The following PRKCE variants were observed in gnomAD, a reference collection of about 807,000 sequenced individuals.
PRKCE encodes the protein protein kinase C epsilon type.
PRKCE carries 16 observed loss-of-function variants against 85.4 expected under a neutral mutation model. The observed-to-expected ratio is 0.19, with a 90% confidence interval of 0.13 to 0.28. PRKCE has a LOEUF of 0.28. Ranked by LOEUF, PRKCE falls within the 10% of genes least tolerant of loss-of-function variation. The probability of loss-of-function intolerance (pLI) is 1.00; values close to 1 mark genes in which losing one functional copy is unlikely to be tolerated. For missense variants in PRKCE, 573 were observed against 975.2 expected, an observed-to-expected ratio of 0.59 and a Z score of 5.49; for synonymous variants, 388 against 371.5, an observed-to-expected ratio of 1.04 and a Z score of -0.51.
intron 1 of PRKCE, among the ~76,000 whole-genome samples, chr2:45,836,470 G>A (rs548120673): frequency 6.0e-4 from 92 of 152,338 alleles, no homozygotes; most frequent in Non-Finnish European, 1.1e-3. Context: ...CTGCTGCTGA[G>A]TTGCTCATTG....
At chr2:46,062,661 G>C (rs1259334318) in intron 10 of PRKCE, among the ~76,000 whole-genome samples, 7 of 135,392 alleles carry the variant, frequency 5.2e-5, no homozygotes, top group Non-Finnish European at 9.4e-5. Context: ...GGGTATAAAA[G>C]CTCAGCCTTT....
chr2:46,060,396 C>T (rs191328489), intron 10 of PRKCE, among the ~76,000 whole-genome samples: 14 of 152,286 alleles, frequency 9.2e-5, no homozygotes, highest in Admixed American at 3.9e-4. Flanking sequence ...TTTACAATAC[C>T]TTCGTGATGA....
At chr2:45,835,890 C>T (rs929518490) in intron 1 of PRKCE, among the ~76,000 whole-genome samples, 3 of 152,144 alleles carry the variant, frequency 2.0e-5, no homozygotes, top group African/African-American at 7.2e-5. Context: ...CCACCGTGCC[C>T]GGTCCTCATT....
chr2:45,987,887 C>G (rs1027925608), intron 6 of PRKCE, among the ~76,000 whole-genome samples: 12 of 152,222 alleles, frequency 7.9e-5, no homozygotes, highest in African/African-American at 2.9e-4. Flanking sequence ...GGGTCATGGC[C>G]AGAAGAGGCC....
chr2:45,946,793 G>A (rs1700273889), intron 2 of PRKCE, among the ~76,000 whole-genome samples: 2 of 152,234 alleles, frequency 1.3e-5, no homozygotes, highest in South Asian at 4.1e-4. Context: ...GTGTGACCAT[G>A]TTCTGGAACA....
At chr2:45,689,636 G>A (rs1231298399) in intron 1 of PRKCE, among the ~76,000 whole-genome samples, 1 of 152,018 alleles carries the variant, frequency 6.6e-6, no homozygotes, top group Non-Finnish European at 1.5e-5. Flanking sequence ...CCAGCCAGGT[G>A]TGGTGGCTCA....
At chr2:46,153,904 A>C (rs1676918908) in intron 13 of PRKCE, among the ~76,000 whole-genome samples, 1 of 149,064 alleles carries the variant, frequency 6.7e-6, no homozygotes, top group African/African-American at 2.5e-5. Flanking sequence ...CTCCTGCCTC[A>C]GCCTCCCGAG....
chr2:45,980,209 G>T (rs1020192462), intron 4 of PRKCE, 87 bp from the exon 5 acceptor site: 4 of 1,302,960 alleles, frequency 3.1e-6, no homozygotes, highest in East Asian at 4.8e-5. Flanking sequence ...GGCTCCCCTT[G>T]TCACTCCACC....
At chr2:45,942,598 T>C (rs1376539128) in intron 2 of PRKCE, among the ~76,000 whole-genome samples, 2 of 152,184 alleles carry the variant, frequency 1.3e-5, no homozygotes, top group Non-Finnish European at 2.9e-5. Flanking sequence ...AAATTACTGT[T>C]GGTCTAATGA....
In PRKCE at chr2:46,103,178, G is replaced by A. The variant is rs188611978; in HGVS notation, c.1592+16816G>A. Among the ~76,000 whole-genome samples, 564 of 152,200 alleles carry A rather than the reference G, an allele frequency of 3.7e-3. 1 individual carries two copies. The highest frequency in any genetic ancestry group is 5.4e-3 in the Non-Finnish European group (368 of 68,018). On this transcript the variant is annotated intron_variant, in intron 11 of 14. Coordinates refer to ENST00000306156, the MANE Select transcript of PRKCE (RefSeq NM_005400.3). The stretch of plus-strand genomic sequence containing the variant: ...TCAATACTACTTTATTTTGTTGCTC[G>A]AATTATTACAGATCTGCTTATTGGG...
intron 6 of PRKCE, among the ~76,000 whole-genome samples, chr2:45,984,889 C>T (rs1005669640): frequency 1.3e-5 from 2 of 152,108 alleles, no homozygotes; most frequent in Non-Finnish European, 2.9e-5. Context: ...AGGGAAACAC[C>T]GAGGAAGGAG....
intron 1 of PRKCE, among the ~76,000 whole-genome samples, chr2:45,693,972 G>A (rs946878534): frequency 2.0e-5 from 3 of 151,854 alleles, no homozygotes; most frequent in Non-Finnish European, 2.9e-5. Flanking sequence ...AAAGAAGTCC[G>A]ACTCGTGTGG....
At chr2:45,855,438 A>T (rs1030848486) in intron 2 of PRKCE, among the ~76,000 whole-genome samples, 4 of 152,226 alleles carry the variant, frequency 2.6e-5, no homozygotes, top group Non-Finnish European at 5.9e-5. Context: ...ATTTGAATGA[A>T]CCCCCAATTG....
intron 2 of PRKCE, among the ~76,000 whole-genome samples, chr2:45,902,351 C>A (rs188998957): frequency 6.6e-6 from 1 of 152,236 alleles, no homozygotes; most frequent in Admixed American, 6.5e-5. Context: ...TACCAAAAGC[C>A]TGCCAATGCC....
At position 45,652,394 on chromosome 2, in the gene PRKCE, C is replaced by T. The variant is rs12615152; in HGVS notation, c.294C>T (p.Cys98=). Residue 98 remains cysteine, a synonymous_variant, in exon 1 of 15, where the codon TGC becomes TGT. Transcript: ENST00000306156. The surrounding 1 kb of genome is among the most constrained non-coding windows in gnomAD (Gnocchi z 7.7). ...GCTACGACGACTTCGTGGCCAACTGCACCATCCAGTTTGAGGAGCTGCTGC... is the reference window on the plus strand; with the variant it reads ...GCTACGACGACTTCGTGGCCAACTGTACCATCCAGTTTGAGGAGCTGCTGC... The part of the protein sequence containing the change: ...PIGYDDFVAN[C]TIQFEELLQN... 2 of 1,612,512 alleles carry T rather than the reference C, an allele frequency of 1.2e-6. No homozygotes were observed. The highest frequency in any genetic ancestry group is 1.7e-6 in the Non-Finnish European group (2 of 1,179,966).
intron 11 of PRKCE, among the ~76,000 whole-genome samples, chr2:46,097,632 A>T (rs931221865): frequency 6.6e-6 from 1 of 152,006 alleles, no homozygotes; most frequent in Admixed American, 6.5e-5. Flanking sequence ...CCTGGTCCCT[A>T]TGTGACCTGC....
At chr2:46,015,715 G>GAAAAAAAAAAA (rs1706080548) in intron 10 of PRKCE, among the ~76,000 whole-genome samples, 1 of 139,506 alleles carries the variant, frequency 7.2e-6, no homozygotes, top group Non-Finnish European at 1.5e-5. Context: ...AAAAAAAAAC[G>GAAAAAAAAAAA]AAGTAAAAAT....
At chr2:45,681,673 G>T (rs1362291505) in intron 1 of PRKCE, among the ~76,000 whole-genome samples, 1 of 152,212 alleles carries the variant, frequency 6.6e-6, no homozygotes, top group Non-Finnish European at 1.5e-5. Flanking sequence ...AGATCAGAGA[G>T]ACCAGAGCTG....
intron 1 of PRKCE, among the ~76,000 whole-genome samples, chr2:45,710,298 C>G (rs1024406017): frequency 6.6e-6 from 1 of 152,184 alleles, no homozygotes; most frequent in Non-Finnish European, 1.5e-5. Flanking sequence ...AGCAGTAAAG[C>G]AAGAGGCCAA....
Sources: allele counts gnomAD v4.1 joint callset (sites outside exome capture counted in the v4.1 genomes callset), GRCh38; gene constraint gnomAD v4.1.1; non-coding constraint Gnocchi (gnomAD v3.1); transcripts MANE v1.5; gene names NCBI Gene and HGNC (gene_info 2026-07-23, HGNC 2026-07-21).